The following C1QTNF3 variants were observed in gnomAD, a reference collection of about 807,000 sequenced individuals.
C1QTNF3 encodes the protein C1q and TNF related 3, also known as complement C1q tumor necrosis factor-related protein 3.
Under a neutral mutation model 32.6 loss-of-function variants are expected in C1QTNF3, and 26 were observed. That is an observed-to-expected ratio of 0.80 (90% CI 0.58 to 1.11). C1QTNF3 has a LOEUF of 1.11. Ranked by LOEUF, C1QTNF3 falls within the 50% of genes least tolerant of loss-of-function variation. C1QTNF3 has a pLI of 0.00. For missense variants in C1QTNF3, 362 were observed against 398.2 expected (o/e 0.91, Z 0.77); for synonymous variants, 155 against 146.0 (o/e 1.06, Z -0.44).
chr5:34,235,759 T>G, the C1QTNF3 span, among the ~76,000 whole-genome samples: 1 of 152,196 alleles, frequency 6.6e-6, no homozygotes, highest in Non-Finnish European at 1.5e-5. Context: ...TTGGTTTACT[T>G]GTCCATTTAA....
intron 1 of C1QTNF3, 42 bp from the exon 2 acceptor site, chr5:34,035,800 G>C: frequency 6.8e-7 from 1 of 1,474,916 alleles, no homozygotes; most frequent in South Asian, 1.2e-5. Flanking sequence ...AAAGGTACTT[G>C]TGAGCAATTA....
At chr5:34,161,559 T>C in the C1QTNF3 span, among the ~76,000 whole-genome samples, 1 of 152,196 alleles carries the variant, frequency 6.6e-6, no homozygotes, top group Admixed American at 6.6e-5. Flanking sequence ...TTTTTTAAGA[T>C]TAAACATAGT....
the C1QTNF3 span, among the ~76,000 whole-genome samples, chr5:34,056,206 C>T: frequency 3.4e-4 from 51 of 151,002 alleles, no homozygotes; most frequent in East Asian, 9.7e-4. Flanking sequence ...TATGGTTTCA[C>T]GATAGAAAAC....
the C1QTNF3 span, among the ~76,000 whole-genome samples, chr5:34,114,548 T>C: frequency 9.8e-5 from 15 of 152,310 alleles, no homozygotes; most frequent in Admixed American, 9.1e-4. Flanking sequence ...GTAAAGCCTA[T>C]ATTTCATATA....
the C1QTNF3 span, among the ~76,000 whole-genome samples, chr5:34,210,773 T>C: frequency 2.6e-5 from 4 of 152,082 alleles, no homozygotes; most frequent in African/African-American, 9.6e-5. Context: ...GTGAACTATA[T>C]AGCTGTCCCT....
chr5:34,237,078 T>C, the C1QTNF3 span, among the ~76,000 whole-genome samples: 1 of 152,202 alleles, frequency 6.6e-6, no homozygotes, highest in Non-Finnish European at 1.5e-5. Context: ...GTGTCAGATA[T>C]AGAGAATGAT....
chr5:34,058,925 C>T, the C1QTNF3 span, among the ~76,000 whole-genome samples: 3 of 152,130 alleles, frequency 2.0e-5, no homozygotes, highest in African/African-American at 7.2e-5. Context: ...CAGAGTCCCC[C>T]TACTCAAGGG....
the C1QTNF3 span, among the ~76,000 whole-genome samples, chr5:34,094,493 C>T: frequency 1.0e-4 from 15 of 150,586 alleles, no homozygotes; most frequent in Non-Finnish European, 1.6e-4. Context: ...GAAGACAATA[C>T]GAAGAGTAAT....
the C1QTNF3 span, among the ~76,000 whole-genome samples, chr5:34,126,200 T>A: frequency 6.6e-6 from 1 of 152,154 alleles, no homozygotes; most frequent in South Asian, 2.1e-4. Context: ...CTATAAATTA[T>A]CCACATGAAG....
chr5:34,226,366 C>G, the C1QTNF3 span, among the ~76,000 whole-genome samples: 2 of 151,804 alleles, frequency 1.3e-5, no homozygotes, highest in Non-Finnish European at 2.9e-5. Context: ...TGAGATGAAG[C>G]CTTTCATTTA....
the C1QTNF3 span, among the ~76,000 whole-genome samples, chr5:34,213,281 C>T: frequency 3.3e-5 from 5 of 152,068 alleles, no homozygotes; most frequent in Non-Finnish European, 7.4e-5. Flanking sequence ...ATGAAGTTTG[C>T]ACAGTAAGAT....
chr5:34,071,375 A>T, the C1QTNF3 span, among the ~76,000 whole-genome samples: 1 of 152,220 alleles, frequency 6.6e-6, no homozygotes, highest in African/African-American at 2.4e-5. Context: ...TTTCATCAAA[A>T]AGAATTAATA....
rs57948524 is a variant in C1QTNF3, at chr5:34,019,945, G to A, written c.*638C>T. ...TGACCCCACATCCGAAGTTGGGGGC[G>A]ATGTGGGGGAACATACACAAAATTA... is the stretch of plus-strand genomic sequence containing the variant. On this transcript the variant is annotated 3_prime_UTR_variant, in exon 6 of 6. Coordinates refer to ENST00000382065, the MANE Select transcript of C1QTNF3 (RefSeq NM_181435.6). The A allele has an allele frequency of 0.015, 2,274 of 152,354 alleles. 65 individuals are homozygous for A. The highest frequency in any genetic ancestry group is 0.053 in the African/African-American group (2,198 of 41,558). 9.4% of individuals were successfully genotyped at this position (152,354 alleles called of 1,614,324 possible).
chr5:34,096,133 G>C, the C1QTNF3 span, among the ~76,000 whole-genome samples: 2 of 148,580 alleles, frequency 1.3e-5, no homozygotes, highest in Non-Finnish European at 3.0e-5. Flanking sequence ...TTGACCGTAC[G>C]CTTGGCTAAA....
chr5:34,175,871 G>A, the C1QTNF3 span: 27 of 798,496 alleles, frequency 3.4e-5, no homozygotes, highest in Non-Finnish European at 5.2e-5. Flanking sequence ...CTCCAACCAC[G>A]TATTTTCTGC....
chr5:34,051,686 C>T, the C1QTNF3 span, among the ~76,000 whole-genome samples: 14 of 152,256 alleles, frequency 9.2e-5, no homozygotes, highest in African/African-American at 2.4e-4. Flanking sequence ...TCTACATGTC[C>T]GGTCCTTCTT....
At chr5:34,043,485 A>G (rs1339727157), upstream of C1QTNF3, 1 of 221,660 alleles carries the variant, frequency 4.5e-6, no homozygotes, top group African/African-American at 2.3e-5. Flanking sequence ...TTTTGTGATT[A>G]GACATGGAAA....
chr5:34,056,473 T>TAC, the C1QTNF3 span, among the ~76,000 whole-genome samples: 2 of 106,984 alleles, frequency 1.9e-5, no homozygotes, highest in African/African-American at 3.8e-5. Context: ...TATATATATA[T>TAC]ATATATAGAG....
the C1QTNF3 span, among the ~76,000 whole-genome samples, chr5:34,115,010 T>A: frequency 2.6e-5 from 4 of 152,148 alleles, no homozygotes; most frequent in African/African-American, 9.7e-5. Context: ...TCAATAATGT[T>A]CTCCTAGCCT....
Sources: allele counts gnomAD v4.1 joint callset (sites outside exome capture counted in the v4.1 genomes callset), GRCh38; gene constraint gnomAD v4.1.1; transcripts MANE v1.5; gene names NCBI Gene and HGNC (gene_info 2026-07-23, HGNC 2026-07-21).